AP1G1: variants seen among roughly 807,000 people sequenced by gnomAD.
The protein encoded by AP1G1 is AP-1 complex subunit gamma-1.
Under a neutral mutation model 108.3 loss-of-function variants are expected in AP1G1, and 7 were observed. That is an observed-to-expected ratio of 0.06 (90% CI 0.04 to 0.12). AP1G1 has a LOEUF of 0.12. Among genes scored for constraint, AP1G1 ranks in the 10% least tolerant of loss-of-function variants. AP1G1 has a pLI of 1.00. For synonymous variants in AP1G1, 379 were observed against 353.5 expected (o/e 1.07, Z -0.81); for missense variants, 756 against 1,010.7 (o/e 0.75, Z 3.42).
At chr16:71,737,928 G>C (rs1371946688) in intron 21 of AP1G1, among the ~76,000 whole-genome samples, 1 of 152,226 alleles carries the variant, frequency 6.6e-6, no homozygotes, top group Non-Finnish European at 1.5e-5. Flanking sequence ...AGCTGTTTCT[G>C]TACTATAAGA....
intron 2 of AP1G1, among the ~76,000 whole-genome samples, chr16:71,776,865 T>C (rs1208438456): frequency 1.3e-5 from 2 of 151,836 alleles, no homozygotes; most frequent in Non-Finnish European, 2.9e-5. Flanking sequence ...ATCCCAGCAC[T>C]TTGGGAGGCC....
chr16:71,799,937 T>A (rs1411770679), intron 1 of AP1G1, among the ~76,000 whole-genome samples: 3 of 150,604 alleles, frequency 2.0e-5, no homozygotes, highest in Non-Finnish European at 4.4e-5. Flanking sequence ...AAAAATTATA[T>A]TGGCTGGGTG....
chr16:71,767,039 A>G (rs9929840), intron 6 of AP1G1, among the ~76,000 whole-genome samples: 137,544 of 152,258 alleles, frequency 0.9, 62,411 homozygotes, highest in East Asian at 0.99. Flanking sequence ...ACCTTATCTT[A>G]CATACTTCCC....
Position 71,759,569 on chromosome 16 carries a change from GCTAC to G in AP1G1, c.975-652_975-649del, listed in dbSNP as rs1218529531. Reference sequence around the variant, plus strand: ...AGGTCAGGAGATTAAGACCACCCTGGCTACCATGGTGAAACCACGTCTCTACTAA... The same window carrying G: ...AGGTCAGGAGATTAAGACCACCCTGGCATGGTGAAACCACGTCTCTACTAA... On this transcript the variant is annotated intron_variant, in intron 10 of 22. Transcript: ENST00000299980. 2.6e-5 allele frequency among the ~76,000 whole-genome samples: 4 copies of G among 152,124 alleles called. No individual in the cohort carries two copies. The East Asian group carries it at 7.7e-4, about 29-fold the overall frequency.
chr16:71,751,916 T>C (rs1032177904), intron 13 of AP1G1, among the ~76,000 whole-genome samples: 1 of 152,142 alleles, frequency 6.6e-6, no homozygotes, highest in Non-Finnish European at 1.5e-5. Flanking sequence ...TACTTCTAAA[T>C]AACACATGGG....
At chr16:71,767,855 C>T (rs12149522) in intron 6 of AP1G1, 1 of 1,598,824 alleles carries the variant, frequency 6.3e-7, no homozygotes, top group Non-Finnish European at 8.5e-7. Context: ...CATGCACCAT[C>T]TAAAAGAGGG....
chr16:71,762,993 G>A (rs2031160869), intron 9 of AP1G1, among the ~76,000 whole-genome samples: 1 of 152,162 alleles, frequency 6.6e-6, no homozygotes, highest in South Asian at 2.1e-4. Flanking sequence ...TGTCAGAATT[G>A]AATTCAATTA....
chr16:71,731,355 A>G lies in AP1G1; in HGVS notation c.*1703T>C, dbSNP rs1422892049. ...GTTTGTCAAATGTTAGGAATATTCC[A>G]GCATCTGATACAGAGCTAGATTTGA... On this transcript the variant is annotated 3_prime_UTR_variant, in exon 23 of 23. Coordinates refer to ENST00000299980, the MANE Select transcript of AP1G1 (RefSeq NM_001128.6). The G allele has an allele frequency of 6.6e-6, 1 of 152,668 alleles. No individual in the cohort carries two copies. Among genetic ancestry groups the G allele is most frequent in the Admixed American group, 6.5e-5 (1 of 15,276 alleles). 9.5% of individuals were successfully genotyped at this position (152,668 alleles called of 1,614,324 possible).
At chr16:71,739,408 G>C in intron 19 of AP1G1, 67 bp from the exon 20 acceptor site, 2 of 1,276,888 alleles carry the variant, frequency 1.6e-6, no homozygotes, top group Non-Finnish European at 2.2e-6. Context: ...AGAAATTATA[G>C]GGAAAATTAT....
intron 6 of AP1G1, among the ~76,000 whole-genome samples, chr16:71,769,047 C>T (rs1056575773): frequency 4.3e-5 from 6 of 141,070 alleles, no homozygotes; most frequent in Admixed American, 3.7e-4. Context: ...CTTTGGGAGG[C>T]TGAGGCGGGC....
In AP1G1 at chr16:71,743,190, A is replaced by T. The variant is rs553028050; in HGVS notation, c.1999+1954T>A. 2.6e-5 allele frequency: 4 copies of T among 152,060 alleles called. No homozygotes were observed. In the South Asian group the frequency reaches 8.3e-4, roughly 32 times the overall value. 9.4% of individuals were successfully genotyped at this position (152,060 alleles called of 1,614,324 possible). ...TCCAGTACAGCTTTGACATTTGAGG[A>T]TTTGAAATTGACCATTTGTAAATGA... is the stretch of plus-strand genomic sequence containing the variant. On this transcript the variant is annotated intron_variant, in intron 19 of 22. Coordinates refer to ENST00000299980, the MANE Select transcript of AP1G1 (RefSeq NM_001128.6).
intron 6 of AP1G1, 25 bp downstream of exon 6, chr16:71,769,598 C>T (rs1232578086): frequency 6.3e-7 from 1 of 1,590,076 alleles, no homozygotes. Context: ...TCAAGAAAGG[C>T]TTAGGCATAC....
At chr16:71,755,050 T>C (rs1346887430) in intron 12 of AP1G1, among the ~76,000 whole-genome samples, 1 of 152,200 alleles carries the variant, frequency 6.6e-6, no homozygotes, top group African/African-American at 2.4e-5. Context: ...ATAGCTGTAC[T>C]ACTAAAATCA....
intron 1 of AP1G1, among the ~76,000 whole-genome samples, chr16:71,805,237 C>G (rs1458204835): frequency 6.6e-6 from 1 of 152,108 alleles, no homozygotes; most frequent in African/African-American, 2.4e-5. Context: ...CACTTGAGCT[C>G]AGGAGTTCGA....
At position 71,769,486 on chromosome 16, in the gene AP1G1, T is replaced by C. The variant is rs549670392; in HGVS notation, c.642+137A>G. The C allele has an allele frequency of 2.5e-5, 20 of 812,756 alleles. No individual in the cohort carries two copies. The African/African-American group carries it at 2.5e-4, about 10-fold the overall frequency. 50.3% of individuals were successfully genotyped at this position (812,756 alleles called of 1,614,324 possible). A position where few individuals can be genotyped will look rare whatever the true frequency, so the allele number is the denominator to read the frequency against. On this transcript the variant is annotated intron_variant, in intron 6 of 22. Transcript: ENST00000299980. ...TGCCTAAATCTGGCTTCCAGGCCAA[T>C]TGCATAGCAGGGCTAGTTAAATCCC...
intron 1 of AP1G1, among the ~76,000 whole-genome samples, chr16:71,805,189 T>C (rs898999610): frequency 2.6e-5 from 4 of 152,196 alleles, no homozygotes; most frequent in Admixed American, 2.6e-4. Flanking sequence ...TCCTCCTGCC[T>C]GTAATCCCAG....
At chr16:71,784,046 G>A (rs2032115882) in intron 2 of AP1G1, among the ~76,000 whole-genome samples, 1 of 152,138 alleles carries the variant, frequency 6.6e-6, no homozygotes, top group Non-Finnish European at 1.5e-5. Context: ...TAAAAATGCT[G>A]AGGATACTGT....
intron 4 of AP1G1, chr16:71,772,862 T>G (rs554791080): frequency 6.1e-6 from 2 of 326,342 alleles, no homozygotes; most frequent in Admixed American, 4.5e-5. Flanking sequence ...TAGGTCCCAA[T>G]AGAACTGCCC....
At chr16:71,744,088 C>A (rs1052163803) in intron 19 of AP1G1, among the ~76,000 whole-genome samples, 1 of 151,238 alleles carries the variant, frequency 6.6e-6, no homozygotes, top group African/African-American at 2.4e-5. Flanking sequence ...ACTAAAAATA[C>A]GAAAATTAGC....
Sources: allele counts gnomAD v4.1 joint callset (sites outside exome capture counted in the v4.1 genomes callset), GRCh38; gene constraint gnomAD v4.1.1; transcripts MANE v1.5; gene names NCBI Gene and HGNC (gene_info 2026-07-23, HGNC 2026-07-21).